CNNM3: variants seen among roughly 807,000 people sequenced by gnomAD.
The protein encoded by CNNM3 is cyclin and CBS domain divalent metal cation transport mediator 3, also known as metal transporter CNNM3.
In CNNM3, 47 loss-of-function variants were observed where a neutral mutation model predicts 57.1. The observed-to-expected ratio is 0.82, with a 90% CI of 0.65 to 1.05. The LOEUF (loss-of-function observed/expected upper bound fraction) is 1.05, where lower values mean the gene tolerates loss of function less well. CNNM3 is among the 50% of genes least tolerant of loss of function. CNNM3 has a pLI of 0.00. For missense variants in CNNM3, 957 were observed against 973.7 expected, an observed-to-expected ratio of 0.98 and a Z score of 0.23; for synonymous variants, 507 against 478.2, an observed-to-expected ratio of 1.06 and a Z score of -0.79.
Position 96,833,046 on chromosome 2 carries a change from C to T in CNNM3, c.*430C>T, listed in dbSNP as rs1467008076. On this transcript the variant is annotated 3_prime_UTR_variant, in exon 8 of 8. Transcript: ENST00000305510. Reference sequence around the variant, plus strand: ...TTGCTTTTAATTTGCCAACCTATCGCTGCTGGCAGCACTTTTTGAGCAAGC... The same window carrying T: ...TTGCTTTTAATTTGCCAACCTATCGTTGCTGGCAGCACTTTTTGAGCAAGC... 7.8e-7 allele frequency: 1 copy of T among 1,289,856 alleles called. No individual in the cohort carries two copies. Among genetic ancestry groups the T allele is most frequent in the Admixed American group, 2.3e-5 (1 of 43,722 alleles). The allele number at this position is 1,289,856 out of a possible 1,614,324, so 79.9% of individuals were successfully genotyped here.
chr2:96,830,908 AT>A (rs1202475238), intron 7 of CNNM3, among the ~76,000 whole-genome samples: 1 of 152,198 alleles, frequency 6.6e-6, no homozygotes, highest in Non-Finnish European at 1.5e-5. Flanking sequence ...ACATTGTCAC[AT>A]TACACTGGGG....
At position 96,817,422 on chromosome 2, in the gene CNNM3, T is replaced by C; in HGVS notation, c.1145T>C (p.Ile382Thr). Reference sequence around the variant, plus strand: ...GAAGACTGCACGCCGCTCAGCACCATCACTCGTTTCTACAACCATCCGCTC... The same window carrying C: ...GAAGACTGCACGCCGCTCAGCACCACCACTCGTTTCTACAACCATCCGCTC... Reference protein sequence around the residue: ...DPEDCTPLSTITRFYNHPLHF... With the variant: ...DPEDCTPLSTTTRFYNHPLHF... Residue 382 changes from isoleucine to threonine, a missense_variant, in exon 1 of 8, where the codon ATC becomes ACC. Ile to Thr is a moderately conservative substitution (Grantham distance 89). Transcript: ENST00000305510. The C allele has an allele frequency of 6.2e-7, 1 of 1,614,110 alleles. No homozygotes were observed. Among genetic ancestry groups the C allele is most frequent in the South Asian group, 1.1e-5 (1 of 91,080 alleles).
rs544710316 is a variant in CNNM3 at position 96,816,496 on chromosome 2, C to T, written c.219C>T (p.Asn73=). 2.5e-4 allele frequency: 358 copies of T among 1,458,190 alleles called. 2 individuals carry two copies. The East Asian group carries it at 8.1e-3, about 33-fold the overall frequency. The allele number at this position is 1,458,190 out of a possible 1,614,324, so 90.3% of individuals were successfully genotyped here. The part of the protein sequence containing the change: ...LLRLFGPGFA[N]SSWSWVAPEG... The stretch of plus-strand genomic sequence containing the variant: ...GCCTCTTCGGCCCGGGCTTCGCCAA[C>T]AGCTCTTGGTCCTGGGTGGCCCCGG... Residue 73 remains asparagine, a synonymous_variant, in exon 1 of 8, where the codon AAC becomes AAT. Coordinates refer to ENST00000305510, the MANE Select transcript of CNNM3 (RefSeq NM_017623.5).
At chr2:96,820,171 C>G (rs2079385931) in intron 1 of CNNM3, among the ~76,000 whole-genome samples, 1 of 152,134 alleles carries the variant, frequency 6.6e-6, no homozygotes, top group African/African-American at 2.4e-5. Flanking sequence ...GGATGATAAC[C>G]TGAACAAGGT....
chr2:96,826,960 C>T lies in CNNM3; in HGVS notation c.1497C>T (p.Ala499=), dbSNP rs2079517212. ...CAATCTCGCCTCAGCTGCTCTTGGC[C>T]ACCCAGCGCTTCCTGTCCCGAGGTG... is the stretch of plus-strand genomic sequence containing the variant. The part of the protein sequence containing the change: ...KVTISPQLLL[A]TQRFLSREVD... The change falls in exon 3 of 8, where the codon GCC becomes GCT. Residue 499 remains alanine, a synonymous_variant. Coordinates refer to ENST00000305510, the MANE Select transcript of CNNM3 (RefSeq NM_017623.5). 2 of 1,614,186 alleles carry T rather than the reference C, an allele frequency of 1.2e-6. No homozygotes were observed. Among genetic ancestry groups the T allele is most frequent in the Non-Finnish European group, 1.7e-6 (2 of 1,180,020 alleles).
intron 2 of CNNM3, among the ~76,000 whole-genome samples, chr2:96,826,030 CT>C (rs1311915359): frequency 6.6e-6 from 1 of 152,174 alleles, no homozygotes; most frequent in Non-Finnish European, 1.5e-5. Flanking sequence ...GCCCTGCATG[CT>C]TCCAGAAGTA....
chr2:96,825,086 G>T lies in CNNM3; in HGVS notation c.1254G>T (p.Lys418Asn). ...AGTCCCACCTGGCCATCGTGCAGAA[G>T]GTGAACAACGAGGGTGAAGGCGACC... is the stretch of plus-strand genomic sequence containing the variant. ...RGKSHLAIVQ[K>N]VNNEGEGDPF... The change falls in exon 2 of 8, where the codon AAG becomes AAT. Residue 418 changes from lysine to asparagine, a missense_variant. Lys to Asn is a moderately conservative substitution (Grantham distance 94). Transcript: ENST00000305510. The T allele has an allele frequency of 6.2e-7, 1 of 1,613,514 alleles. No homozygotes were observed. The highest frequency in any genetic ancestry group is 8.5e-7 in the Non-Finnish European group (1 of 1,180,014).
chr2:96,818,127 C>T (rs1190737812), intron 1 of CNNM3, among the ~76,000 whole-genome samples: 1 of 152,220 alleles, frequency 6.6e-6, no homozygotes, highest in African/African-American at 2.4e-5. Flanking sequence ...AGCTCTGTCG[C>T]GCAGGCTGGA....
rs1397150586 is a variant in CNNM3 at position 96,835,252 on chromosome 2, A to AT, written c.*2637dup. Among the ~76,000 whole-genome samples the AT allele has an allele frequency of 6.6e-6, 1 of 152,126 alleles. No individual in the cohort carries two copies. The highest frequency in any genetic ancestry group is 1.5e-5 in the Non-Finnish European group (1 of 68,034). On this transcript the variant is annotated 3_prime_UTR_variant, in exon 8 of 8. Coordinates refer to ENST00000305510, the MANE Select transcript of CNNM3 (RefSeq NM_017623.5). ...TCTCGGGAGATCATCCAGGCATTGC[A>AT]TGTGTCAACAGTTTGCTCCTTTTTA... is the stretch of plus-strand genomic sequence containing the variant.
intron 1 of CNNM3, among the ~76,000 whole-genome samples, chr2:96,822,002 A>ATTT (rs1333073832): frequency 2.7e-5 from 4 of 149,246 alleles, no homozygotes; most frequent in African/African-American, 7.4e-5. Flanking sequence ...TATTATTATT[A>ATTT]TTATTTTTTT....
At chr2:96,828,760 A>C (rs1337271678) in intron 6 of CNNM3, 60 bp downstream of exon 6, 15 of 1,605,334 alleles carry the variant, frequency 9.3e-6, no homozygotes, top group Non-Finnish European at 1.3e-5. Context: ...ACCGGGGGCT[A>C]GACCAGCTGG....
At chr2:96,832,132 G>A in intron 7 of CNNM3, 1 of 1,004,678 alleles carries the variant, frequency 1.0e-6, no homozygotes, top group South Asian at 4.2e-5. Context: ...TGAGGGAGGA[G>A]CAGAGCCCAT....
chr2:96,816,445 C>T lies in CNNM3; in HGVS notation c.168C>T (p.Asp56=), dbSNP rs1402413852. Residue 56 remains aspartate (D), a synonymous_variant, in exon 1 of 8, where the codon GAC becomes GAT. Transcript: ENST00000305510. ...AGWVRGGAAR[D]TPDATFLLRL... ...GGGTACGCGGAGGGGCGGCGCGGGA[C>T]ACGCCGGACGCCACCTTCCTCCTGC... 3 of 1,429,558 alleles carry T rather than the reference C, an allele frequency of 2.1e-6. No homozygotes were observed. Among genetic ancestry groups the T allele is most frequent in the Non-Finnish European group, 2.7e-6 (3 of 1,091,104 alleles). The allele number at this position is 1,429,558 out of a possible 1,614,324, so 88.6% of individuals were successfully genotyped here. A position where few individuals can be genotyped will look rare whatever the true frequency, so the allele number is the denominator to read the frequency against.
chr2:96,836,240 T>A (rs2079689741), downstream of CNNM3, among the ~76,000 whole-genome samples: 1 of 96,118 alleles, frequency 1.0e-5, no homozygotes, highest in African/African-American at 8.7e-5. Flanking sequence ...ACCCAGCTAA[T>A]TTTTTTTTTT....
rs1574118462 is a variant in CNNM3, at chr2:96,832,174, G to C, written c.2060-378G>C. On this transcript the variant is annotated intron_variant, in intron 7 of 7. Coordinates refer to ENST00000305510, the MANE Select transcript of CNNM3 (RefSeq NM_017623.5). ...CCAGGCTGGGGGGCATTTTTCTCCAGGGGTGTGGGGTGGGCGCTCCCTTCC... is the reference window on the plus strand; with the variant it reads ...CCAGGCTGGGGGGCATTTTTCTCCACGGGTGTGGGGTGGGCGCTCCCTTCC... 2.9e-6 allele frequency: 3 copies of C among 1,017,852 alleles called. No individual in the cohort carries two copies. In the East Asian group the frequency reaches 3.1e-4, roughly 105 times the overall value. The allele number at this position is 1,017,852 out of a possible 1,614,324, so 63.1% of individuals were successfully genotyped here.
rs2079321815 is a variant in CNNM3 at position 96,816,600 on chromosome 2, A to G, written c.323A>G (p.Glu108Gly). 3.3e-6 allele frequency: 4 copies of G among 1,202,380 alleles called. No individual in the cohort carries two copies. Among genetic ancestry groups the G allele is most frequent in the East Asian group, 3.5e-5 (1 of 28,806 alleles). 74.5% of individuals were successfully genotyped at this position (1,202,380 alleles called of 1,614,324 possible). Reference protein sequence around the residue: ...RALLRLRLRAEAVRPHSALLA... With the variant: ...RALLRLRLRAGAVRPHSALLA... ...CTGCTGCGCTTGCGCCTGCGGGCCG[A>G]GGCCGTGCGCCCGCACTCGGCGCTG... The change falls in exon 1 of 8, where the codon GAG becomes GGG. Residue 108 changes from glutamate to glycine, a missense_variant. Around this residue, in one of 2 missense-constraint regions of CNNM3, gnomAD observed 466 missense variants for 403.1 expected, o/e 1.16. Coordinates refer to ENST00000305510, the MANE Select transcript of CNNM3 (RefSeq NM_017623.5).
downstream of CNNM3, among the ~76,000 whole-genome samples, chr2:96,835,533 G>A (rs2079678643): frequency 6.7e-6 from 1 of 150,246 alleles, no homozygotes. Context: ...CAGTGGCGCA[G>A]TCTCGGCTCA....
At chr2:96,818,421 T>A (rs1042070415) in intron 1 of CNNM3, among the ~76,000 whole-genome samples, 2 of 151,738 alleles carry the variant, frequency 1.3e-5, no homozygotes, top group African/African-American at 4.8e-5. Flanking sequence ...TCCTGTTTTT[T>A]AAAATTTTAT....
intron 7 of CNNM3, chr2:96,832,285 C>G (rs796274342): frequency 3.0e-6 from 3 of 985,348 alleles, no homozygotes; most frequent in Non-Finnish European, 3.6e-6. Context: ...TGTATCGTCC[C>G]GGGAAGGTGC....
Sources: allele counts gnomAD v4.1 joint callset (sites outside exome capture counted in the v4.1 genomes callset), GRCh38; gene constraint gnomAD v4.1.1; regional missense constraint gnomAD v4.1.1; transcripts MANE v1.5; gene names NCBI Gene and HGNC (gene_info 2026-07-23, HGNC 2026-07-21).